The following BACE2 variants were observed in gnomAD, a reference collection of about 807,000 sequenced individuals.
BACE2 encodes beta-secretase 2.
In BACE2, 17 loss-of-function variants were observed where a neutral mutation model predicts 46.2. That is an observed-to-expected ratio of 0.37 (90% confidence interval 0.25 to 0.55). The LOEUF (loss-of-function observed/expected upper bound fraction) is 0.55, where lower values mean the gene tolerates loss of function less well. BACE2 is among the 20% of genes least tolerant of loss of function. The probability of loss-of-function intolerance (pLI) is 0.82; values close to 1 mark genes in which losing one functional copy is unlikely to be tolerated. For synonymous variants in BACE2, 277 were observed against 295.9 expected (o/e 0.94, Z 0.66); for missense variants, 595 against 698.1 (o/e 0.85, Z 1.66).
At chr21:41,263,714 C>T (rs1433954060) in intron 8 of BACE2, among the ~76,000 whole-genome samples, 2 of 152,194 alleles carry the variant, frequency 1.3e-5, no homozygotes, top group Non-Finnish European at 2.9e-5. Context: ...ACTGTTGTAC[C>T]TTTAAGGGTA....
chr21:41,266,923 A>G (rs2088381111), intron 8 of BACE2, among the ~76,000 whole-genome samples: 1 of 150,922 alleles, frequency 6.6e-6, no homozygotes, highest in South Asian at 2.1e-4. Flanking sequence ...ACATCTTTGG[A>G]AGCTGCCCTT....
At chr21:41,168,756 C>G (rs1489692882) in intron 1 of BACE2, among the ~76,000 whole-genome samples, 181 bp downstream of exon 1, 1 of 152,016 alleles carries the variant, frequency 6.6e-6, no homozygotes, top group East Asian at 2.0e-4. Flanking sequence ...TCTTGAGTCG[C>G]GGAGGACGGC....
At chr21:41,222,038 A>G (rs1438561339) in intron 1 of BACE2, among the ~76,000 whole-genome samples, 2 of 152,134 alleles carry the variant, frequency 1.3e-5, no homozygotes, top group Non-Finnish European at 2.9e-5. Context: ...GGTTACAAGA[A>G]TGCGCTCGGA....
chr21:41,215,926 C>T (rs751294668), intron 1 of BACE2, among the ~76,000 whole-genome samples: 4 of 151,954 alleles, frequency 2.6e-5, no homozygotes, highest in African/African-American at 4.8e-5. Flanking sequence ...CATACATGCA[C>T]GTGAGGTTGA....
chr21:41,211,249 GTC>G (rs1285357787), intron 1 of BACE2, among the ~76,000 whole-genome samples: 3 of 148,182 alleles, frequency 2.0e-5, no homozygotes, highest in Non-Finnish European at 3.0e-5. Flanking sequence ...GTATCCATGT[GTC>G]TCTCAACATG....
At chr21:41,184,275 C>T (rs558736175) in intron 1 of BACE2, 2 of 167,176 alleles carry the variant, frequency 1.2e-5, no homozygotes, top group Non-Finnish European at 2.9e-5. Context: ...ATCTTTTCCC[C>T]GAGTTACTTC....
At chr21:41,179,098 G>A in intron 1 of BACE2, 1 of 1,209,480 alleles carries the variant, frequency 8.3e-7, no homozygotes, top group Non-Finnish European at 1.1e-6. Context: ...AGGGTGTCAG[G>A]GTGACTGAGG....
chr21:41,260,177 A>T (rs1220130026), intron 8 of BACE2, among the ~76,000 whole-genome samples: 1 of 145,078 alleles, frequency 6.9e-6, no homozygotes, highest in Non-Finnish European at 1.5e-5. Context: ...ACAGGGTCTC[A>T]CTCTCTTACC....
Position 41,275,861 on chromosome 21 carries a change from C to T in BACE2, c.*237C>T, listed in dbSNP as rs2088483385. 1.8e-6 allele frequency: 1 copy of T among 558,094 alleles called. No individual in the cohort carries two copies. The highest frequency in any genetic ancestry group is 2.3e-5 in the South Asian group (1 of 44,040). The allele number at this position is 558,094 out of a possible 1,614,324, so 34.6% of individuals were successfully genotyped here. ...AAAAAAACTTCATTCTAAACCAAAA[C>T]AGAGTGGATTGGGCTGCAGGCTCTA... On this transcript the variant is annotated 3_prime_UTR_variant, in exon 9 of 9. Transcript: ENST00000330333.
chr21:41,260,943 T>A (rs993501613), intron 8 of BACE2, among the ~76,000 whole-genome samples: 5 of 152,234 alleles, frequency 3.3e-5, no homozygotes, highest in African/African-American at 1.2e-4. Context: ...GTATCCTTTG[T>A]CAACTCGACT....
chr21:41,233,830 A>T lies in BACE2; in HGVS notation c.402-3683A>T, dbSNP rs144658998. Among the ~76,000 whole-genome samples the T allele has an allele frequency of 2.9e-3, 438 of 152,196 alleles. 1 individual carries two copies. The highest frequency in any genetic ancestry group is 0.01 in the African/African-American group (416 of 41,522). On this transcript the variant is annotated intron_variant, in intron 2 of 8. Coordinates refer to ENST00000330333, the MANE Select transcript of BACE2 (RefSeq NM_012105.5). ...ACAAAAATTAGCTGGGCATGGTGGC[A>T]TGCGCCTGTAATCCCAGCTATTAGG... is the stretch of plus-strand genomic sequence containing the variant.
intron 1 of BACE2, among the ~76,000 whole-genome samples, chr21:41,194,493 T>C (rs1278380239): frequency 1.3e-5 from 2 of 152,222 alleles, no homozygotes; most frequent in Non-Finnish European, 2.9e-5. Context: ...AATGGAGGTT[T>C]CCTGGGGGAC....
At chr21:41,215,893 G>T (rs1210441650) in intron 1 of BACE2, among the ~76,000 whole-genome samples, 1 of 120,096 alleles carries the variant, frequency 8.3e-6, no homozygotes, top group Non-Finnish European at 1.6e-5. Flanking sequence ...GGCTAGGCTG[G>T]TGTGTGTGTG....
intron 2 of BACE2, among the ~76,000 whole-genome samples, chr21:41,232,612 G>C (rs536170536): frequency 6.0e-4 from 92 of 152,114 alleles, no homozygotes; most frequent in African/African-American, 2.1e-3. Context: ...GTTCACATGA[G>C]AGCTGGTTGT....
At chr21:41,270,341 A>G (rs2088421919) in intron 8 of BACE2, among the ~76,000 whole-genome samples, 1 of 152,042 alleles carries the variant, frequency 6.6e-6, no homozygotes, top group East Asian at 1.9e-4. Context: ...GATAAAATCC[A>G]TTTTTTTTCC....
At chr21:41,207,868 G>A (rs1403305431) in intron 1 of BACE2, among the ~76,000 whole-genome samples, 1 of 152,210 alleles carries the variant, frequency 6.6e-6, no homozygotes, top group African/African-American at 2.4e-5. Flanking sequence ...ATCCCTGAAG[G>A]CAACGCAGTC....
Position 41,243,617 on chromosome 21 carries a change from A to G in BACE2, c.882+107A>G. On this transcript the variant is annotated intron_variant, in intron 5 of 8. Coordinates refer to ENST00000330333, the MANE Select transcript of BACE2 (RefSeq NM_012105.5). ...AATAGAAGGTACATTACCTCGTAAGATAAAGGCTCATTACATGAAAAGATG... is the reference window on the plus strand; with the variant it reads ...AATAGAAGGTACATTACCTCGTAAGGTAAAGGCTCATTACATGAAAAGATG... The G allele has an allele frequency of 1.7e-6, 2 of 1,175,382 alleles. 1 individual carries two copies. The highest frequency in any genetic ancestry group is 4.4e-5 in the South Asian group (2 of 45,648). The allele number at this position is 1,175,382 out of a possible 1,614,324, so 72.8% of individuals were successfully genotyped here.
intron 8 of BACE2, among the ~76,000 whole-genome samples, chr21:41,265,212 G>A (rs1988038315): frequency 6.7e-6 from 1 of 148,396 alleles, no homozygotes. Context: ...TATTATATGG[G>A]TGCACCTAAT....
chr21:41,244,775 T>C (rs1278678254), intron 5 of BACE2, among the ~76,000 whole-genome samples: 1 of 152,226 alleles, frequency 6.6e-6, no homozygotes. Flanking sequence ...ATTGCAAATC[T>C]GTGTTTATTG....
Sources: allele counts gnomAD v4.1 joint callset (sites outside exome capture counted in the v4.1 genomes callset), GRCh38; gene constraint gnomAD v4.1.1; transcripts MANE v1.5; gene names NCBI Gene and HGNC (gene_info 2026-07-23, HGNC 2026-07-21).